MYO5B: variants seen among roughly 807,000 people sequenced by gnomAD.
MYO5B encodes myosin VB.
Under a neutral mutation model 229.3 loss-of-function variants are expected in MYO5B, and 143 were observed. The observed-to-expected ratio is 0.62, with a 90% CI of 0.54 to 0.72. The LOEUF (loss-of-function observed/expected upper bound fraction) is 0.72. Among genes scored for constraint, MYO5B ranks in the 30% least tolerant of loss-of-function variants. MYO5B has a pLI of 0.00. For missense variants in MYO5B, 2,321 were observed against 2,331.0 expected (o/e 1.00, Z 0.09); for synonymous variants, 918 against 885.2 (o/e 1.04, Z -0.66).
chr18:50,046,797 T>C (rs577906504), intron 2 of MYO5B, among the ~76,000 whole-genome samples: 125 of 152,278 alleles, frequency 8.2e-4, no homozygotes, highest in African/African-American at 2.9e-3. Flanking sequence ...TATCTACAAC[T>C]ATCTAATCTT....
chr18:50,048,724 G>A (rs1350450681), intron 2 of MYO5B, among the ~76,000 whole-genome samples: 3 of 152,032 alleles, frequency 2.0e-5, no homozygotes, highest in Non-Finnish European at 4.4e-5. Flanking sequence ...ATCCAAAAGG[G>A]TTTCAAAAAG....
intron 1 of MYO5B, among the ~76,000 whole-genome samples, chr18:50,074,159 G>C (rs1007579500): frequency 3.9e-5 from 6 of 152,194 alleles, no homozygotes; most frequent in African/African-American, 1.4e-4. Flanking sequence ...CATGGCAGCA[G>C]CAAGAGAAAA....
intron 1 of MYO5B, among the ~76,000 whole-genome samples, chr18:50,128,900 C>A (rs1369563125): frequency 6.6e-6 from 1 of 152,182 alleles, no homozygotes; most frequent in Non-Finnish European, 1.5e-5. Context: ...CCTCAGAATA[C>A]CCAATCAGCG....
At chr18:50,001,675 C>A (rs2026048805) in intron 4 of MYO5B, among the ~76,000 whole-genome samples, 1 of 152,162 alleles carries the variant, frequency 6.6e-6, no homozygotes, top group South Asian at 2.1e-4. Flanking sequence ...TGGCCACTCT[C>A]CCGAGTTCCC....
At chr18:49,980,616 C>T in intron 8 of MYO5B, 63 bp from the exon 9 acceptor site, 1 of 1,254,874 alleles carries the variant, frequency 8.0e-7, no homozygotes, top group Non-Finnish European at 1.2e-6. Context: ...GGACATTTTA[C>T]CCCTTTTAAG....
At chr18:49,979,837 T>C (rs1266421263) in intron 9 of MYO5B, among the ~76,000 whole-genome samples, 2 of 152,230 alleles carry the variant, frequency 1.3e-5, no homozygotes, top group Non-Finnish European at 2.9e-5. Context: ...GGGTGCCACT[T>C]CCCTGGTGCT....
chr18:49,920,748 T>C (rs1369973310), intron 17 of MYO5B, among the ~76,000 whole-genome samples: 1 of 152,184 alleles, frequency 6.6e-6, no homozygotes, highest in Non-Finnish European at 1.5e-5. Context: ...GATGCATTTT[T>C]AAATCACCTG....
At chr18:50,091,912 G>A (rs924885486) in intron 1 of MYO5B, among the ~76,000 whole-genome samples, 3 of 152,172 alleles carry the variant, frequency 2.0e-5, no homozygotes, top group African/African-American at 7.2e-5. Flanking sequence ...ACAATGCACT[G>A]GGACCATCCT....
intron 33 of MYO5B, among the ~76,000 whole-genome samples, chr18:49,845,052 C>T (rs938537878): frequency 6.6e-6 from 1 of 152,148 alleles, no homozygotes; most frequent in South Asian, 2.1e-4. Flanking sequence ...CCTGGGGCCA[C>T]CTGAGCAAGG....
chr18:49,953,946 T>TATATATAC (rs1555646642), intron 13 of MYO5B, among the ~76,000 whole-genome samples: 8 of 86,788 alleles, frequency 9.2e-5, no homozygotes, highest in African/African-American at 2.9e-4. Context: ...ACTATATATA[T>TATATATAC]ACAGACATGT....
At chr18:49,861,117 C>G (rs2024324188) in intron 29 of MYO5B, among the ~76,000 whole-genome samples, 2 of 152,368 alleles carry the variant, frequency 1.3e-5, no homozygotes, top group South Asian at 4.1e-4. Flanking sequence ...GCCTCCACTC[C>G]CCAGGGCAGC....
intron 4 of MYO5B, among the ~76,000 whole-genome samples, chr18:50,004,402 G>C (rs1340908417): frequency 6.6e-6 from 1 of 152,222 alleles, no homozygotes; most frequent in African/African-American, 2.4e-5. Context: ...TGGGGAACAA[G>C]TCTTGGAAAT....
intron 7 of MYO5B, among the ~76,000 whole-genome samples, chr18:49,988,840 T>C (rs1486427712): frequency 6.6e-6 from 1 of 152,176 alleles, no homozygotes; most frequent in Non-Finnish European, 1.5e-5. Context: ...TCAGCCCCTG[T>C]TCTGCTTAGC....
At position 50,181,453 on chromosome 18, in the gene MYO5B, A is replaced by G. The variant is rs1215928629; in HGVS notation, c.27+13314T>C. 2.0e-5 allele frequency among the ~76,000 whole-genome samples: 3 copies of G among 152,244 alleles called. No individual in the cohort carries two copies. In the East Asian group the frequency reaches 5.8e-4, roughly 29 times the overall value. Reference sequence around the variant, plus strand: ...AAGCAACACACAGTCCACAATAGCAAGATAGTCAGTGAGTCCTCACCTTAC... The same window carrying G: ...AAGCAACACACAGTCCACAATAGCAGGATAGTCAGTGAGTCCTCACCTTAC... On this transcript the variant is annotated intron_variant, in intron 1 of 39. Coordinates refer to ENST00000285039, the MANE Select transcript of MYO5B (RefSeq NM_001080467.3).
chr18:50,172,818 T>C (rs1472304778), intron 1 of MYO5B, among the ~76,000 whole-genome samples: 2 of 151,892 alleles, frequency 1.3e-5, no homozygotes, highest in East Asian at 1.9e-4. Context: ...TCTGAGTAGG[T>C]GGTGGAGAAG....
At chr18:50,004,348 G>GA (rs1413949010) in intron 4 of MYO5B, among the ~76,000 whole-genome samples, 1 of 152,140 alleles carries the variant, frequency 6.6e-6, no homozygotes, top group African/African-American at 2.4e-5. Context: ...GTTATAAAAA[G>GA]AAAAAACCAC....
At chr18:49,934,839 A>C (rs1787595) in intron 16 of MYO5B, among the ~76,000 whole-genome samples, 80,473 of 152,068 alleles carry the variant, frequency 0.53, 21,675 homozygotes, top group Middle Eastern at 0.71. Flanking sequence ...TTACATGACC[A>C]GAGTGTAGAA....
In MYO5B at chr18:50,094,267, T is replaced by C. The variant is rs181469371; in HGVS notation, c.28-38889A>G. ...AATGTTATAGTATAATCCTTGTGTT[T>C]AAAAAACAATCTATGGATACACTGT... is the stretch of plus-strand genomic sequence containing the variant. On this transcript the variant is annotated intron_variant, in intron 1 of 39. Coordinates refer to ENST00000285039, the MANE Select transcript of MYO5B (RefSeq NM_001080467.3). Among the ~76,000 whole-genome samples, 5 of 152,274 alleles carry C rather than the reference T, an allele frequency of 3.3e-5. No homozygotes were observed. In the East Asian group the frequency reaches 5.8e-4, roughly 18 times the overall value.
chr18:50,085,177 C>T (rs1599009225), intron 1 of MYO5B, among the ~76,000 whole-genome samples: 1 of 152,070 alleles, frequency 6.6e-6, no homozygotes, highest in South Asian at 2.1e-4. Flanking sequence ...TGACAAAGGG[C>T]TAATACCCAG....
Sources: gnomAD v4.1 joint callset for allele counts (sites outside exome capture counted in the v4.1 genomes callset) on GRCh38, gnomAD v4.1.1 for gene constraint, MANE v1.5 for transcripts, NCBI Gene and HGNC (gene_info 2026-07-23, HGNC 2026-07-21) for gene names.